Variants in TMPRSS15 observed in about 807,000 individuals in gnomAD.
TMPRSS15 encodes transmembrane serine protease 15, also known as enteropeptidase.
A neutral mutation model predicts 125.3 loss-of-function variants in TMPRSS15; 128 were observed. That is an observed-to-expected ratio of 1.02 (90% CI 0.89 to 1.18). The LOEUF (loss-of-function observed/expected upper bound fraction) is 1.18, where lower values mean the gene tolerates loss of function less well. Ranked by LOEUF, TMPRSS15 falls within the 50% of genes most tolerant of loss-of-function variation. TMPRSS15 has a pLI of 0.00. For missense variants in TMPRSS15, 1,283 were observed against 1,212.7 expected (o/e 1.06, Z -0.86); for synonymous variants, 446 against 423.2 (o/e 1.05, Z -0.66).
intron 16 of TMPRSS15, among the ~76,000 whole-genome samples, chr21:18,323,835 A>G (rs1334269781): frequency 6.6e-6 from 1 of 152,174 alleles, no homozygotes; most frequent in Non-Finnish European, 1.5e-5. Context: ...AAGAGAGTAC[A>G]TAATTTTACT....
intron 16 of TMPRSS15, among the ~76,000 whole-genome samples, chr21:18,319,406 A>G (rs1388656870): frequency 1.9e-5 from 2 of 107,262 alleles, no homozygotes; most frequent in East Asian, 7.5e-4. Flanking sequence ...ACAGTAAAAA[A>G]AAATCTTCTT....
chr21:18,313,360 T>TAC, intron 17 of TMPRSS15, among the ~76,000 whole-genome samples: 1 of 151,746 alleles, frequency 6.6e-6, no homozygotes, highest in Admixed American at 6.6e-5. Context: ...TATATATATA[T>TAC]ACACACTTTT....
chr21:18,381,294 G>A (rs895372889), intron 4 of TMPRSS15, among the ~76,000 whole-genome samples: 1 of 152,042 alleles, frequency 6.6e-6, no homozygotes, highest in Non-Finnish European at 1.5e-5. Flanking sequence ...TTGAAGTTTT[G>A]TAAATGATAC....
intron 6 of TMPRSS15, among the ~76,000 whole-genome samples, chr21:18,365,947 C>A (rs537168364): frequency 6.6e-6 from 1 of 151,722 alleles, no homozygotes; most frequent in Non-Finnish European, 1.5e-5. Flanking sequence ...GTTGGCCAGG[C>A]TGGTCTCGAT....
At chr21:18,467,445 A>G (rs1003532600) in intron 1 of TMPRSS15, among the ~76,000 whole-genome samples, 5 of 151,822 alleles carry the variant, frequency 3.3e-5, no homozygotes. Context: ...CTACTTGCCT[A>G]TCATGGAGCT....
At chr21:18,291,692 T>G (rs938941378) in intron 21 of TMPRSS15, among the ~76,000 whole-genome samples, 1 of 152,014 alleles carries the variant, frequency 6.6e-6, no homozygotes, top group East Asian at 1.9e-4. Context: ...TAAAACAATA[T>G]CAGAAACTTT....
At chr21:18,282,238 A>C (rs73320141) in intron 21 of TMPRSS15, among the ~76,000 whole-genome samples, 7,699 of 151,960 alleles carry the variant, frequency 0.051, 527 homozygotes, top group African/African-American at 0.16. Flanking sequence ...CTTGTGTTGT[A>C]GAACAGATTA....
chr21:18,410,680 G>GT (rs1023289582), intron 1 of TMPRSS15, among the ~76,000 whole-genome samples: 2 of 151,018 alleles, frequency 1.3e-5, no homozygotes, highest in Non-Finnish European at 3.0e-5. Context: ...TTTTCTATTT[G>GT]TTTTTTGTTT....
At position 18,383,733 on chromosome 21, in the gene TMPRSS15, C is replaced by A. The variant is rs753168111; in HGVS notation, c.390G>T (p.Trp130Cys). Reference sequence around the variant, plus strand: ...CTTCTTTTACATTTTCATCTGACACCCACTGGGCAAAGAAAAGGTCAAATA... The same window carrying A: ...CTTCTTTTACATTTTCATCTGACACACACTGGGCAAAGAAAAGGTCAAATA... ...IVVFDLFFAQ[W>C]VSDENVKEEL... Residue 130 changes from tryptophan (W) to cysteine (C), a missense_variant, in exon 4 of 25, where the codon TGG (tryptophan) becomes TGT (cysteine). Transcript: ENST00000284885. The A allele has an allele frequency of 6.2e-7, 1 of 1,613,740 alleles. No individual in the cohort carries two copies. Among genetic ancestry groups the A allele is most frequent in the South Asian group, 1.1e-5 (1 of 91,038 alleles).
chr21:18,380,572 T>C (rs1176500278), intron 4 of TMPRSS15: 1 of 470,712 alleles, frequency 2.1e-6, no homozygotes, highest in African/African-American at 2.0e-5. Flanking sequence ...TGTAGAAAAA[T>C]TCTCCAAAGA....
intron 1 of TMPRSS15, among the ~76,000 whole-genome samples, chr21:18,472,225 A>AT (rs887970762): frequency 6.6e-5 from 10 of 150,980 alleles, no homozygotes; most frequent in African/African-American, 1.5e-4. Flanking sequence ...CTAAAAAGAA[A>AT]TTTTTTTTTG....
chr21:18,280,593 A>AAACAAC (rs1436421921), intron 22 of TMPRSS15, among the ~76,000 whole-genome samples: 1 of 143,594 alleles, frequency 7.0e-6, no homozygotes, highest in African/African-American at 2.8e-5. Context: ...AAAAAAAAAA[A>AAACAAC]AACAACAAAA....
intron 10 of TMPRSS15, among the ~76,000 whole-genome samples, chr21:18,352,151 AT>A (rs2075576276): frequency 6.6e-6 from 1 of 152,022 alleles, no homozygotes; most frequent in African/African-American, 2.4e-5. Context: ...GGTATTATGA[AT>A]ATGTGTTCCA....
At chr21:18,273,087 G>A (rs982784954) in intron 24 of TMPRSS15, among the ~76,000 whole-genome samples, 27 of 152,164 alleles carry the variant, frequency 1.8e-4, no homozygotes, top group African/African-American at 6.0e-4. Context: ...TGGAGGCCAC[G>A]CATTGAAAGC....
At chr21:18,339,139 C>T (rs984462860) in intron 13 of TMPRSS15, among the ~76,000 whole-genome samples, 2 of 152,140 alleles carry the variant, frequency 1.3e-5, no homozygotes, top group Admixed American at 6.6e-5. Flanking sequence ...TACATTTCAT[C>T]TGCAGTGTTT....
At chr21:18,415,587 G>T (rs1301882787) in intron 1 of TMPRSS15, among the ~76,000 whole-genome samples, 1 of 151,974 alleles carries the variant, frequency 6.6e-6, no homozygotes, top group African/African-American at 2.4e-5. Context: ...AGTTTTCCCA[G>T]TTCTACTTTT....
intron 16 of TMPRSS15, among the ~76,000 whole-genome samples, chr21:18,317,646 A>T (rs576952386): frequency 6.6e-6 from 1 of 152,332 alleles, no homozygotes; most frequent in East Asian, 1.9e-4. Flanking sequence ...AAACTCTGAC[A>T]TTAGTATGAA....
chr21:18,321,413 C>A (rs528077913), intron 16 of TMPRSS15, among the ~76,000 whole-genome samples: 2 of 123,118 alleles, frequency 1.6e-5, no homozygotes, highest in South Asian at 2.5e-4. Context: ...AGTGCTGTGG[C>A]GCGATCTCGG....
chr21:18,362,830 C>T (rs2075690419), intron 7 of TMPRSS15, among the ~76,000 whole-genome samples: 1 of 151,982 alleles, frequency 6.6e-6, no homozygotes, highest in African/African-American at 2.4e-5. Context: ...AATTTGGAGT[C>T]AAAGAGGTTT....
Sources: gnomAD v4.1 joint callset for allele counts (sites outside exome capture counted in the v4.1 genomes callset) on GRCh38, gnomAD v4.1.1 for gene constraint, MANE v1.5 for transcripts, NCBI Gene and HGNC (gene_info 2026-07-23, HGNC 2026-07-21) for gene names.